Variants in CACNA2D3 observed in about 807,000 individuals in gnomAD.
CACNA2D3 encodes the protein voltage-dependent calcium channel subunit alpha-2/delta-3.
CACNA2D3 carries 60 observed loss-of-function variants against 160.6 expected under a neutral mutation model. The ratio of observed to expected loss-of-function variants is 0.37; its 90% CI spans 0.30 to 0.46. The LOEUF (loss-of-function observed/expected upper bound fraction) is 0.46, where lower values mean the gene tolerates loss of function less well. Among genes scored for constraint, CACNA2D3 ranks in the 20% least tolerant of loss-of-function variants. CACNA2D3 has a pLI of 1.00. For missense variants in CACNA2D3, 1,205 were observed against 1,365.0 expected (o/e 0.88, Z 1.85); for synonymous variants, 558 against 492.9 (o/e 1.13, Z -1.75).
chr3:54,229,280 C>T (rs1034021466), intron 2 of CACNA2D3, among the ~76,000 whole-genome samples: 7 of 152,054 alleles, frequency 4.6e-5, no homozygotes, highest in Admixed American at 2.6e-4. Context: ...CAAGCTCTGC[C>T]GCCCGGATTC....
intron 13 of CACNA2D3, among the ~76,000 whole-genome samples, chr3:54,801,562 A>C (rs1702988324): frequency 6.6e-6 from 1 of 152,222 alleles, no homozygotes; most frequent in Non-Finnish European, 1.5e-5. Context: ...CTTATTACAT[A>C]TTCAAATAAT....
At chr3:54,782,681 C>G (rs1702558167) in intron 13 of CACNA2D3, among the ~76,000 whole-genome samples, 1 of 151,978 alleles carries the variant, frequency 6.6e-6, no homozygotes. Context: ...CTAAAAGCAT[C>G]ATGCCATGCT....
intron 9 of CACNA2D3, chr3:54,626,449 C>T (rs1490532719): frequency 6.3e-7 from 1 of 1,596,656 alleles, no homozygotes; most frequent in African/African-American, 1.3e-5. Flanking sequence ...GAAGACGCAC[C>T]TGCGTGACGT....
chr3:54,882,632 C>T (rs1699827561), intron 21 of CACNA2D3, among the ~76,000 whole-genome samples: 1 of 152,128 alleles, frequency 6.6e-6, no homozygotes, highest in South Asian at 2.1e-4. Context: ...TCTGTTGGTC[C>T]TCTGTAAATA....
chr3:54,649,886 T>C (rs1037954766), intron 11 of CACNA2D3, among the ~76,000 whole-genome samples: 1 of 152,220 alleles, frequency 6.6e-6, no homozygotes, highest in African/African-American at 2.4e-5. Flanking sequence ...TTATTTTGCC[T>C]TGTGTTACAC....
At chr3:54,993,401 C>A (rs1197925114) in intron 31 of CACNA2D3, among the ~76,000 whole-genome samples, 5 of 152,152 alleles carry the variant, frequency 3.3e-5, no homozygotes, top group Non-Finnish European at 7.3e-5. Flanking sequence ...TAATGTAATA[C>A]ATCTTGCCTG....
chr3:55,070,159 C>T (rs1704769365), intron 35 of CACNA2D3, among the ~76,000 whole-genome samples: 1 of 152,166 alleles, frequency 6.6e-6, no homozygotes, highest in Non-Finnish European at 1.5e-5. Context: ...TTGGAAACTA[C>T]AGTCTTTTAT....
intron 2 of CACNA2D3, among the ~76,000 whole-genome samples, chr3:54,208,083 T>C (rs1701304404): frequency 6.6e-6 from 1 of 152,104 alleles, no homozygotes; most frequent in African/African-American, 2.4e-5. Flanking sequence ...TGGTGCTCTG[T>C]TTGTTGTTTG....
intron 11 of CACNA2D3, among the ~76,000 whole-genome samples, chr3:54,725,390 G>A (rs1011567282): frequency 3.9e-5 from 6 of 152,066 alleles, no homozygotes; most frequent in Admixed American, 3.9e-4. Flanking sequence ...AGAAAAAGAG[G>A]GAATCCTCCC....
chr3:54,537,163 G>A (rs1031384808), intron 5 of CACNA2D3, among the ~76,000 whole-genome samples: 2 of 152,054 alleles, frequency 1.3e-5, no homozygotes. Flanking sequence ...GACACACAGA[G>A]CAGAGGATTG....
Position 54,833,229 on chromosome 3 carries a change from A to G in CACNA2D3, c.1399-3930A>G, listed in dbSNP as rs557184548. Among the ~76,000 whole-genome samples, 15 of 152,370 alleles carry G rather than the reference A, an allele frequency of 9.8e-5. No homozygotes were observed. The South Asian group carries it at 1.0e-3, about 11-fold the overall frequency. On this transcript the variant is annotated intron_variant, in intron 14 of 37. Transcript: ENST00000474759. Reference sequence around the variant, plus strand: ...GGAAATGAAGGATATGGAATAATATATACTTAGTATACAACAGAGCACCAC... The same window carrying G: ...GGAAATGAAGGATATGGAATAATATGTACTTAGTATACAACAGAGCACCAC...
At chr3:54,740,584 T>C (rs796689845) in intron 11 of CACNA2D3, among the ~76,000 whole-genome samples, 5 of 152,286 alleles carry the variant, frequency 3.3e-5, no homozygotes, top group African/African-American at 1.2e-4. Flanking sequence ...TCCTTCCCCC[T>C]TCCACAAAGA....
intron 29 of CACNA2D3, among the ~76,000 whole-genome samples, chr3:54,977,256 C>T (rs893126861): frequency 6.6e-6 from 1 of 152,064 alleles, no homozygotes; most frequent in African/African-American, 2.4e-5. Flanking sequence ...TGAAATTATT[C>T]TCTTTGGAAG....
intron 11 of CACNA2D3, among the ~76,000 whole-genome samples, chr3:54,739,966 C>T (rs553769075): frequency 6.6e-6 from 1 of 152,068 alleles, no homozygotes; most frequent in Admixed American, 6.6e-5. Flanking sequence ...ATTTTTTCCT[C>T]CCCATTGTGC....
At chr3:54,786,318 A>G (rs556045371) in intron 13 of CACNA2D3, among the ~76,000 whole-genome samples, 2 of 152,342 alleles carry the variant, frequency 1.3e-5, no homozygotes, top group African/African-American at 2.4e-5. Context: ...ACAAATGGTA[A>G]TATGGATGAA....
At chr3:54,668,579 C>T (rs900211159) in intron 11 of CACNA2D3, among the ~76,000 whole-genome samples, 4 of 150,662 alleles carry the variant, frequency 2.7e-5, no homozygotes, top group African/African-American at 4.9e-5. Context: ...TGCTTTGTAT[C>T]GGGGAGTTCT....
At chr3:55,004,682 T>C in intron 31 of CACNA2D3, 81 bp from the exon 32 acceptor site, 1 of 885,416 alleles carries the variant, frequency 1.1e-6, no homozygotes, top group South Asian at 1.4e-5. Context: ...TGATAGTGAC[T>C]GCTCACCTTG....
At chr3:54,297,597 T>C (rs1321222286) in intron 2 of CACNA2D3, among the ~76,000 whole-genome samples, 1 of 152,076 alleles carries the variant, frequency 6.6e-6, no homozygotes, top group Non-Finnish European at 1.5e-5. Flanking sequence ...TTGAGTTTGC[T>C]GAATATGGTG....
At chr3:54,745,518 T>C (rs1701739087) in intron 11 of CACNA2D3, among the ~76,000 whole-genome samples, 1 of 152,214 alleles carries the variant, frequency 6.6e-6, no homozygotes. Context: ...GCAATAATAC[T>C]ACAGAAAAAT....
Sources: gnomAD v4.1 joint callset for allele counts (sites outside exome capture counted in the v4.1 genomes callset) on GRCh38, gnomAD v4.1.1 for gene constraint, MANE v1.5 for transcripts, NCBI Gene and HGNC (gene_info 2026-07-23, HGNC 2026-07-21) for gene names.